The following ZCCHC4 variants were observed in gnomAD, a reference collection of about 807,000 sequenced individuals.
ZCCHC4 encodes the protein zinc finger CCHC-type containing 4.
A neutral mutation model predicts 67.7 loss-of-function variants in ZCCHC4; 54 were observed. That is an observed-to-expected ratio of 0.80 (90% CI 0.64 to 1.00). ZCCHC4 has a LOEUF of 1.00. Among genes scored for constraint, ZCCHC4 ranks in the 50% least tolerant of loss-of-function variants. ZCCHC4 has a pLI of 0.00. For missense variants in ZCCHC4, 609 were observed against 617.0 expected, an observed-to-expected ratio of 0.99 and a Z score of 0.14; for synonymous variants, 198 against 213.5, an observed-to-expected ratio of 0.93 and a Z score of 0.63.
rs779832307 is a variant in ZCCHC4, at chr4:25,365,060, C to T, written c.1300C>T (p.Pro434Ser). The T allele has an allele frequency of 1.2e-6, 2 of 1,614,162 alleles. No individual in the cohort carries two copies. Among genetic ancestry groups the T allele is most frequent in the South Asian group, 2.2e-5 (2 of 91,082 alleles). Residue 434 changes from proline to serine, a missense_variant, in exon 12 of 13, where the codon CCA becomes TCA. By Grantham distance (74) the Pro-to-Ser change is moderately conservative. Transcript: ENST00000302874. ...HCSICNHCAV[P>S]DHSCEGPKHG... Reference sequence around the variant, plus strand: ...TAGCATCTGCAATCACTGTGCTGTTCCAGATCATTCTTGTGAGGGCCCCAA... The same window carrying T: ...TAGCATCTGCAATCACTGTGCTGTTTCAGATCATTCTTGTGAGGGCCCCAA...
chr4:25,323,598 A>T (rs1718692497), intron 3 of ZCCHC4, among the ~76,000 whole-genome samples: 1 of 152,124 alleles, frequency 6.6e-6, no homozygotes, highest in South Asian at 2.1e-4. Flanking sequence ...CTGTAGGGGG[A>T]AGGAGGCAAT....
chr4:25,367,676 A>G (rs1721005988), intron 12 of ZCCHC4, among the ~76,000 whole-genome samples: 1 of 151,952 alleles, frequency 6.6e-6, no homozygotes, highest in Non-Finnish European at 1.5e-5. Flanking sequence ...TTTCAATCCT[A>G]CTCCTTCTGT....
chr4:25,323,101 C>T (rs1160397890), intron 3 of ZCCHC4, among the ~76,000 whole-genome samples: 1 of 152,162 alleles, frequency 6.6e-6, no homozygotes, highest in African/African-American at 2.4e-5. Context: ...GGCAATAAAC[C>T]ATCCATTACA....
chr4:25,368,670 A>G (rs1721035778), intron 12 of ZCCHC4, among the ~76,000 whole-genome samples: 1 of 152,186 alleles, frequency 6.6e-6, no homozygotes, highest in African/African-American at 2.4e-5. Flanking sequence ...ACGGAATTCA[A>G]GGATTTGGAG....
chr4:25,347,674 T>C (rs1352059620), intron 6 of ZCCHC4, among the ~76,000 whole-genome samples: 2 of 152,166 alleles, frequency 1.3e-5, no homozygotes, highest in African/African-American at 4.8e-5. Context: ...CTGTCCAGGG[T>C]GCTTAGGAGA....
chr4:25,341,180 A>G (rs1286711257), intron 5 of ZCCHC4, among the ~76,000 whole-genome samples: 2 of 152,152 alleles, frequency 1.3e-5, no homozygotes, highest in East Asian at 1.9e-4. Flanking sequence ...TACACAAAAT[A>G]TGTGTTAATT....
At chr4:25,316,724 A>G (rs1218168288) in intron 3 of ZCCHC4, among the ~76,000 whole-genome samples, 2 of 152,172 alleles carry the variant, frequency 1.3e-5, no homozygotes, top group African/African-American at 4.8e-5. Context: ...AACTTTGCCA[A>G]ATATATGATT....
At chr4:25,340,995 A>T (rs2109072878) in intron 5 of ZCCHC4, among the ~76,000 whole-genome samples, 1 of 152,118 alleles carries the variant, frequency 6.6e-6, no homozygotes, top group Admixed American at 6.5e-5. Flanking sequence ...ATATTAAATA[A>T]TATCGTCTCT....
chr4:25,345,696 T>C, intron 6 of ZCCHC4, 76 bp downstream of exon 6: 2 of 971,852 alleles, frequency 2.1e-6, no homozygotes, highest in East Asian at 2.5e-5. Context: ...TTTGTTCTTT[T>C]TCTAAATTCC....
intron 8 of ZCCHC4, chr4:25,352,400 G>C (rs1444573478): frequency 7.1e-6 from 7 of 985,326 alleles, no homozygotes; most frequent in Non-Finnish European, 8.4e-6. Flanking sequence ...ATGGTCTTCA[G>C]GCAGGTACTG....
At chr4:25,318,073 C>T (rs181796492) in intron 3 of ZCCHC4, among the ~76,000 whole-genome samples, 5 of 152,168 alleles carry the variant, frequency 3.3e-5, no homozygotes, top group East Asian at 1.9e-4. Flanking sequence ...TAGAACCACA[C>T]GGTCCGTGGT....
chr4:25,318,357 T>C (rs1348325005), intron 3 of ZCCHC4, among the ~76,000 whole-genome samples: 1 of 139,510 alleles, frequency 7.2e-6, no homozygotes, highest in Non-Finnish European at 1.6e-5. Flanking sequence ...CTCTTTTTTT[T>C]TTTTTTTTTT....
chr4:25,350,363 C>A (rs1249536182), intron 7 of ZCCHC4, among the ~76,000 whole-genome samples: 1 of 147,042 alleles, frequency 6.8e-6, no homozygotes, highest in Non-Finnish European at 1.5e-5. Flanking sequence ...CAGGTTCAAG[C>A]GATTCTTCTG....
intron 8 of ZCCHC4, among the ~76,000 whole-genome samples, chr4:25,357,053 C>G (rs1412487951): frequency 6.6e-6 from 1 of 152,186 alleles, no homozygotes; most frequent in Non-Finnish European, 1.5e-5. Context: ...TATTTAATAG[C>G]TCTAATCGTT....
At chr4:25,363,044 T>A (rs997046634) in intron 10 of ZCCHC4, among the ~76,000 whole-genome samples, 2 of 152,174 alleles carry the variant, frequency 1.3e-5, no homozygotes, top group African/African-American at 4.8e-5. Context: ...ATAGTTGACA[T>A]TAGGTTCACT....
chr4:25,325,657 GA>G, intron 3 of ZCCHC4, among the ~76,000 whole-genome samples: 1 of 152,150 alleles, frequency 6.6e-6, no homozygotes, highest in East Asian at 1.9e-4. Flanking sequence ...ATCTTTTGAA[GA>G]AAAAAATGTT....
chr4:25,345,213 A>T (rs1487791591), intron 5 of ZCCHC4, among the ~76,000 whole-genome samples: 1 of 152,218 alleles, frequency 6.6e-6, no homozygotes, highest in African/African-American at 2.4e-5. Flanking sequence ...TGAGGGATGT[A>T]TCTTAATTGC....
At chr4:25,368,579 G>C (rs913197077) in intron 12 of ZCCHC4, among the ~76,000 whole-genome samples, 2 of 152,220 alleles carry the variant, frequency 1.3e-5, no homozygotes, top group South Asian at 4.2e-4. Flanking sequence ...CCCTTTCAAG[G>C]CTTCTCGGTT....
At chr4:25,344,607 TATA>T (rs1245700776) in intron 5 of ZCCHC4, among the ~76,000 whole-genome samples, 3 of 151,396 alleles carry the variant, frequency 2.0e-5, no homozygotes, top group African/African-American at 4.9e-5. Context: ...AAACTTAAAG[TATA>T]ATAATAATAA....
Sources: allele counts gnomAD v4.1 joint callset (sites outside exome capture counted in the v4.1 genomes callset), GRCh38; gene constraint gnomAD v4.1.1; transcripts MANE v1.5; gene names NCBI Gene and HGNC (gene_info 2026-07-23, HGNC 2026-07-21).